Variants in CTNND2 observed in about 807,000 individuals in gnomAD.
The protein encoded by CTNND2 is catenin delta-2.
A neutral mutation model predicts 144.4 loss-of-function variants in CTNND2; 22 were observed. That is an observed-to-expected ratio of 0.15 (90% confidence interval 0.11 to 0.22). CTNND2 has a LOEUF of 0.22. Among genes scored for constraint, CTNND2 ranks in the 10% least tolerant of loss-of-function variants. CTNND2 has a pLI of 1.00. For missense variants in CTNND2, 1,353 were observed against 1,618.8 expected (o/e 0.84, Z 2.82); for synonymous variants, 751 against 695.6 (o/e 1.08, Z -1.25).
chr5:11,529,171 G>T (rs1773523416), intron 3 of CTNND2, among the ~76,000 whole-genome samples: 1 of 152,172 alleles, frequency 6.6e-6, no homozygotes, highest in Admixed American at 6.6e-5. Context: ...AAACTGAAAT[G>T]AAGTCTTGAT....
At chr5:11,098,540 C>T in intron 15 of CTNND2, 35 bp downstream of exon 15, 1 of 1,573,352 alleles carries the variant, frequency 6.4e-7, no homozygotes, top group South Asian at 1.2e-5. Context: ...GCTCATAACT[C>T]CAGATTTCTT....
intron 3 of CTNND2, among the ~76,000 whole-genome samples, chr5:11,559,162 C>T (rs866864728): frequency 3.9e-5 from 6 of 151,950 alleles, no homozygotes; most frequent in South Asian, 2.1e-4. Flanking sequence ...TATTTATACA[C>T]GTGTGTGGGT....
chr5:11,467,832 C>G (rs910189845), intron 3 of CTNND2, among the ~76,000 whole-genome samples: 3 of 152,108 alleles, frequency 2.0e-5, no homozygotes, highest in East Asian at 3.8e-4. Context: ...TTTAAAACTT[C>G]CAGTAAATGT....
chr5:11,380,738 A>G (rs1244465745), intron 7 of CTNND2, among the ~76,000 whole-genome samples: 2 of 152,324 alleles, frequency 1.3e-5, no homozygotes, highest in African/African-American at 4.8e-5. Flanking sequence ...AGGTTTGTCT[A>G]TCAGGAAGAT....
intron 3 of CTNND2, among the ~76,000 whole-genome samples, chr5:11,481,674 A>C (rs1462076852): frequency 6.6e-6 from 1 of 152,110 alleles, no homozygotes; most frequent in Non-Finnish European, 1.5e-5. Context: ...ACAGAAAGAG[A>C]GAGACAGAGA....
intron 9 of CTNND2, among the ~76,000 whole-genome samples, chr5:11,317,596 T>C (rs1751642245): frequency 6.6e-6 from 1 of 152,258 alleles, no homozygotes; most frequent in Non-Finnish European, 1.5e-5. Flanking sequence ...CAATGATTTT[T>C]ATATTTTGAT....
At chr5:11,680,970 T>G (rs186550391) in intron 2 of CTNND2, among the ~76,000 whole-genome samples, 238 of 152,280 alleles carry the variant, frequency 1.6e-3, no homozygotes, top group Admixed American at 3.1e-3. Flanking sequence ...TTTAGCTGTC[T>G]GGGATACAGG....
intron 10 of CTNND2, among the ~76,000 whole-genome samples, chr5:11,225,983 T>G (rs547320353): frequency 6.6e-6 from 1 of 152,136 alleles, no homozygotes; most frequent in South Asian, 2.1e-4. Flanking sequence ...AGGCAGAGAT[T>G]AGAGATAAAG....
At chr5:11,622,651 A>T (rs1335309526) in intron 2 of CTNND2, among the ~76,000 whole-genome samples, 1 of 152,124 alleles carries the variant, frequency 6.6e-6, no homozygotes, top group Non-Finnish European at 1.5e-5. Flanking sequence ...GAAAAACACG[A>T]TCTTACAGAG....
intron 9 of CTNND2, among the ~76,000 whole-genome samples, chr5:11,274,742 G>A (rs564097696): frequency 2.4e-4 from 36 of 152,102 alleles, no homozygotes; most frequent in East Asian, 1.2e-3. Flanking sequence ...CTTGCTAACC[G>A]CTAATGAAAA....
At chr5:11,853,637 G>C (rs1253329172) in intron 1 of CTNND2, among the ~76,000 whole-genome samples, 2 of 152,164 alleles carry the variant, frequency 1.3e-5, no homozygotes, top group African/African-American at 4.8e-5. Flanking sequence ...CTCATCTCAA[G>C]TTGATCCACC....
At chr5:11,437,205 C>T (rs1763850731) in intron 3 of CTNND2, among the ~76,000 whole-genome samples, 1 of 152,020 alleles carries the variant, frequency 6.6e-6, no homozygotes, top group Non-Finnish European at 1.5e-5. Context: ...TTTCAGAAAC[C>T]CTGCATATTC....
chr5:11,052,625 C>T (rs968410665), intron 16 of CTNND2, among the ~76,000 whole-genome samples: 1 of 152,156 alleles, frequency 6.6e-6, no homozygotes. Context: ...AAATTCTCCA[C>T]AAAATCTCAT....
chr5:11,709,967 T>G (rs1561717449), intron 2 of CTNND2, among the ~76,000 whole-genome samples: 1 of 152,304 alleles, frequency 6.6e-6, no homozygotes, highest in African/African-American at 2.4e-5. Context: ...GTGTTCCACT[T>G]AAGATCCATG....
At chr5:11,783,503 A>G (rs1790661053) in intron 1 of CTNND2, among the ~76,000 whole-genome samples, 1 of 152,168 alleles carries the variant, frequency 6.6e-6, no homozygotes, top group Admixed American at 6.5e-5. Flanking sequence ...GATTCCCTCT[A>G]GGCCACAGCC....
At chr5:11,819,019 G>C (rs915419136) in intron 1 of CTNND2, among the ~76,000 whole-genome samples, 1 of 152,184 alleles carries the variant, frequency 6.6e-6, no homozygotes, top group African/African-American at 2.4e-5. Flanking sequence ...TTTCCTCTTA[G>C]ATTGCTGGTT....
chr5:10,999,062 G>A (rs917991236), intron 18 of CTNND2, among the ~76,000 whole-genome samples: 2 of 152,146 alleles, frequency 1.3e-5, no homozygotes, highest in Non-Finnish European at 2.9e-5. Context: ...CAAACACCTT[G>A]AGCACAAATC....
At chr5:11,342,335 A>G (rs1238036451) in intron 9 of CTNND2, among the ~76,000 whole-genome samples, 4 of 152,222 alleles carry the variant, frequency 2.6e-5, no homozygotes, top group Admixed American at 2.0e-4. Flanking sequence ...CTCTTAGTCA[A>G]ATTTTGCGGT....
chr5:11,288,763 G>C (rs542706788), intron 9 of CTNND2, among the ~76,000 whole-genome samples: 38 of 148,642 alleles, frequency 2.6e-4, no homozygotes, highest in South Asian at 1.9e-3. Context: ...AATTCAATTA[G>C]TTATTTTATT....
Sources: allele counts gnomAD v4.1 joint callset (sites outside exome capture counted in the v4.1 genomes callset), GRCh38; gene constraint gnomAD v4.1.1; transcripts MANE v1.5; gene names NCBI Gene and HGNC (gene_info 2026-07-23, HGNC 2026-07-21).